The following EDA variants were observed in gnomAD, a reference collection of about 807,000 sequenced individuals.
EDA encodes ectodysplasin-A.
A neutral mutation model predicts 23.6 loss-of-function variants in EDA; 2 were observed. The ratio of observed to expected loss-of-function variants is 0.08; its 90% CI spans 0.03 to 0.27. The LOEUF is 0.27. Among genes scored for constraint, EDA ranks in the 10% least tolerant of loss-of-function variants. The pLI is 1.00. For synonymous variants in EDA, 131 were observed against 132.0 expected (o/e 0.99, Z 0.05); for missense variants, 229 against 324.2 (o/e 0.71, Z 2.26).
chrX:69,827,138 T>C (rs1302913656), intron 1 of EDA, among the ~76,000 whole-genome samples: 2 of 111,961 alleles, frequency 1.8e-5, no homozygotes, highest in African/African-American at 6.5e-5. Flanking sequence ...TAACATTTTT[T>C]CTTTCATTTC....
intron 1 of EDA, among the ~76,000 whole-genome samples, chrX:69,622,693 A>G (rs1333820738): frequency 9.0e-6 from 1 of 111,680 alleles, no homozygotes; most frequent in Non-Finnish European, 1.9e-5. Flanking sequence ...AGAAGTTTTT[A>G]ATTTTAATGT....
intron 1 of EDA, among the ~76,000 whole-genome samples, chrX:69,807,606 A>G (rs1052857164): frequency 4.6e-5 from 5 of 108,507 alleles, no homozygotes; most frequent in African/African-American, 1.7e-4. Context: ...TATTTCCTAG[A>G]CCACATCCTG....
chrX:69,962,808 A>G (rs1258062264), intron 2 of EDA, among the ~76,000 whole-genome samples: 1 of 112,294 alleles, frequency 8.9e-6, no homozygotes, highest in African/African-American at 3.2e-5. Flanking sequence ...ATGGTGTGCC[A>G]GGCATTTGGG....
chrX:69,896,842 A>T (rs1005021872), intron 1 of EDA, among the ~76,000 whole-genome samples: 1 of 111,532 alleles, frequency 9.0e-6, no homozygotes, highest in African/African-American at 3.3e-5. Flanking sequence ...TTTGGCAAAT[A>T]TATTAAATTA....
At chrX:70,013,358 C>A (rs182396364) in intron 2 of EDA, among the ~76,000 whole-genome samples, 58 of 110,980 alleles carry the variant, frequency 5.2e-4, no homozygotes, top group African/African-American at 1.8e-3. Context: ...CTACACTTCA[C>A]CAGATAGGGC....
At chrX:69,616,763 C>T (rs1056035024) in intron 1 of EDA, 59 bp downstream of exon 1, 23 of 1,195,304 alleles carry the variant, frequency 1.9e-5, no homozygotes, top group Non-Finnish European at 2.6e-5. Flanking sequence ...GGCGAGGGCC[C>T]TCCGCCACAG....
chrX:69,757,653 G>C (rs1346537165), intron 1 of EDA, among the ~76,000 whole-genome samples: 1 of 112,342 alleles, frequency 8.9e-6, no homozygotes, highest in African/African-American at 3.2e-5. Flanking sequence ...ATTCTGCCCA[G>C]AGGGGTGCTA....
At chrX:69,735,962 G>A (rs1450262332) in intron 1 of EDA, among the ~76,000 whole-genome samples, 1 of 110,244 alleles carries the variant, frequency 9.1e-6, no homozygotes, top group African/African-American at 3.3e-5. Flanking sequence ...CCACTGCTCT[G>A]CCATGCAGCT....
intron 1 of EDA, among the ~76,000 whole-genome samples, chrX:69,700,672 G>T (rs1041018653): frequency 9.0e-6 from 1 of 111,174 alleles, no homozygotes; most frequent in Admixed American, 9.6e-5. Context: ...ATAGGAACTG[G>T]GTGGGCTCTT....
chrX:70,031,214 C>A (rs1169591669), intron 6 of EDA, among the ~76,000 whole-genome samples: 1 of 112,415 alleles, frequency 8.9e-6, no homozygotes, highest in Admixed American at 9.3e-5. Context: ...TTTTACAAGA[C>A]AGAAAGTGAA....
intron 1 of EDA, among the ~76,000 whole-genome samples, chrX:69,702,118 G>A (rs190308628): frequency 3.6e-5 from 4 of 111,614 alleles, no homozygotes; most frequent in African/African-American, 1.3e-4. Context: ...AGAGAGATCA[G>A]TGAGGGAGAA....
chrX:69,928,952 T>C (rs1277740553), intron 1 of EDA, among the ~76,000 whole-genome samples: 2 of 112,206 alleles, frequency 1.8e-5, no homozygotes, highest in East Asian at 5.6e-4. Context: ...TGGTATTGAA[T>C]GTTGCTAAAA....
chrX:69,837,241 C>T (rs1462897856), intron 1 of EDA, among the ~76,000 whole-genome samples: 2 of 111,648 alleles, frequency 1.8e-5, no homozygotes, highest in Non-Finnish European at 3.8e-5. Flanking sequence ...CACAGTTAAA[C>T]CCACAATCAG....
At chrX:69,823,161 G>C (rs1312659278) in intron 1 of EDA, among the ~76,000 whole-genome samples, 2 of 76,501 alleles carry the variant, frequency 2.6e-5, no homozygotes. Flanking sequence ...AAACATACGT[G>C]TGCATGTGTC....
chrX:69,860,865 A>G (rs974284926), intron 1 of EDA: 19 of 522,980 alleles, frequency 3.6e-5, no homozygotes, highest in East Asian at 1.4e-4. Flanking sequence ...AGGGACACCA[A>G]TGAGTTGTGT....
chrX:69,786,923 T>G (rs1354910081), intron 1 of EDA, among the ~76,000 whole-genome samples: 1 of 102,615 alleles, frequency 9.7e-6, no homozygotes, highest in Non-Finnish European at 2.1e-5. Flanking sequence ...TGTGTGGGAG[T>G]CTAAGTCTCT....
intron 1 of EDA, among the ~76,000 whole-genome samples, chrX:69,930,481 A>G (rs189896480): frequency 2.7e-5 from 3 of 111,205 alleles, no homozygotes; most frequent in Non-Finnish European, 5.7e-5. Context: ...CATGATTTAA[A>G]AAAAAAAAGA....
intron 1 of EDA, among the ~76,000 whole-genome samples, chrX:69,824,469 G>T (rs1196055291): frequency 3.6e-5 from 4 of 110,750 alleles, no homozygotes; most frequent in African/African-American, 1.3e-4. Flanking sequence ...CATTGTGAAT[G>T]GGAGTTCTCT....
chrX:69,780,236 G>A (rs1174451603), intron 1 of EDA, among the ~76,000 whole-genome samples: 2 of 111,129 alleles, frequency 1.8e-5, no homozygotes, highest in Non-Finnish European at 3.8e-5. Flanking sequence ...TGCTGTATAT[G>A]TATAATATAA....
Sources: gnomAD v4.1 joint callset for allele counts (sites outside exome capture counted in the v4.1 genomes callset) on GRCh38, gnomAD v4.1.1 for gene constraint, MANE v1.5 for transcripts, NCBI Gene and HGNC (gene_info 2026-07-23, HGNC 2026-07-21) for gene names.